The following RB1CC1 variants were observed in gnomAD, a reference collection of about 807,000 sequenced individuals.
RB1CC1 encodes the protein RB1-inducible coiled-coil protein 1.
Under a neutral mutation model 177.5 loss-of-function variants are expected in RB1CC1, and 46 were observed. That is an observed-to-expected ratio of 0.26 (90% CI 0.20 to 0.33). RB1CC1 has a LOEUF of 0.33. Among genes scored for constraint, RB1CC1 ranks in the 10% least tolerant of loss-of-function variants. The probability of loss-of-function intolerance (pLI) is 1.00; values close to 1 mark genes in which losing one functional copy is unlikely to be tolerated. For synonymous variants in RB1CC1, 666 were observed against 613.6 expected (o/e 1.09, Z -1.26); for missense variants, 1,703 against 1,816.3 (o/e 0.94, Z 1.13).
intron 15 of RB1CC1, among the ~76,000 whole-genome samples, chr8:52,649,141 G>A (rs1334357899): frequency 2.0e-5 from 3 of 152,074 alleles, no homozygotes; most frequent in Non-Finnish European, 4.4e-5. Flanking sequence ...TAGACAAGAG[G>A]GAATGACTGT....
At position 52,623,196 on chromosome 8, in the gene RB1CC1, TAC is replaced by T. The variant is rs1468232801; in HGVS notation, c.*584_*585del. 1 of 144,944 alleles carries T rather than the reference TAC, an allele frequency of 6.9e-6. No homozygotes were observed. Among genetic ancestry groups the T allele is most frequent in the African/African-American group, 2.8e-5 (1 of 36,212 alleles). The allele number at this position is 144,944 out of a possible 1,614,324, so 9.0% of individuals were successfully genotyped here. On this transcript the variant is annotated 3_prime_UTR_variant, in exon 24 of 24. Coordinates refer to ENST00000025008, the MANE Select transcript of RB1CC1 (RefSeq NM_014781.5). ...TGATCTTAAAATCAGTCAATCAAAT[TAC>T]AGTTCCTTTTTTTTTTTGAAACATC...
At chr8:52,707,229 C>A (rs1856642927) in intron 1 of RB1CC1, among the ~76,000 whole-genome samples, 1 of 152,170 alleles carries the variant, frequency 6.6e-6, no homozygotes. Flanking sequence ...TAATCCAGAT[C>A]TCTGTTCTGA....
intron 8 of RB1CC1, among the ~76,000 whole-genome samples, chr8:52,667,662 C>T (rs1399650253): frequency 6.6e-6 from 1 of 152,178 alleles, no homozygotes; most frequent in East Asian, 1.9e-4. Flanking sequence ...GTAAATTCTT[C>T]AAGATTTCGT....
Position 52,685,392 on chromosome 8 carries a change from A to G in RB1CC1, c.71+7T>C. On this transcript the variant is annotated splice_region_variant and intron_variant, in intron 3 of 23. Coordinates refer to ENST00000025008, the MANE Select transcript of RB1CC1 (RefSeq NM_014781.5). ...TGCGAAAAAAAAATAAATGAAATAC[A>G]ACTCACGTTTGCACTGTAAGTTCAG... is the stretch of plus-strand genomic sequence containing the variant. The G allele has an allele frequency of 6.4e-7, 1 of 1,574,362 alleles. No homozygotes were observed. The highest frequency in any genetic ancestry group is 8.7e-7 in the Non-Finnish European group (1 of 1,150,634).
intron 1 of RB1CC1, among the ~76,000 whole-genome samples, chr8:52,704,907 C>T (rs150897901): frequency 6.6e-6 from 1 of 152,256 alleles, no homozygotes; most frequent in East Asian, 1.9e-4. Context: ...TCCTTCTTAA[C>T]TTTTATAAAA....
At chr8:52,700,417 G>T in intron 1 of RB1CC1, among the ~76,000 whole-genome samples, 1 of 151,624 alleles carries the variant, frequency 6.6e-6, no homozygotes, top group Admixed American at 6.6e-5. Context: ...CAGTTATGGG[G>T]GGGTGGGGTG....
In RB1CC1 at chr8:52,683,980, T is replaced by C. The variant is rs1231821205; in HGVS notation, c.105A>G (p.Lys35=). 1 of 1,613,980 alleles carries C rather than the reference T, an allele frequency of 6.2e-7. No homozygotes were observed. Among genetic ancestry groups the C allele is most frequent in the South Asian group, 1.1e-5 (1 of 91,058 alleles). Residue 35 remains lysine (K), a synonymous_variant, in exon 4 of 24, where the codon AAA becomes AAG. Coordinates refer to ENST00000025008, the MANE Select transcript of RB1CC1 (RefSeq NM_014781.5). The part of the protein sequence containing the change: ...VADLKHAIQS[K]YKIAIQHQVL... The stretch of plus-strand genomic sequence containing the variant: ...CCTGGTGTTGAATAGCAATCTTGTA[T>C]TTGCTTTGAATGGCATGCTTAAGGT...
At chr8:52,634,628 T>C (rs903827150) in intron 20 of RB1CC1, among the ~76,000 whole-genome samples, 25 of 152,214 alleles carry the variant, frequency 1.6e-4, no homozygotes, top group African/African-American at 5.8e-4. Context: ...CTGATTTTGA[T>C]GATTTTAAGA....
At position 52,656,685 on chromosome 8, in the gene RB1CC1, G is replaced by A; in HGVS notation, c.3144C>T (p.Leu1048=). The A allele has an allele frequency of 1.9e-6, 3 of 1,613,798 alleles. No individual in the cohort carries two copies. The highest frequency in any genetic ancestry group is 8.5e-7 in the Non-Finnish European group (1 of 1,179,886). ...EKEKQLQELK[L]KVSDLSDTRC... is the part of the protein sequence containing the mutation. ...TCGTGTCTGACAAATCAGAAACCTT[G>A]AGTTTTAATTCCTGTAACTGTTTTT... The change falls in exon 15 of 24, where the codon CTC becomes CTT. Residue 1048 remains leucine, a synonymous_variant. Transcript: ENST00000025008.
intron 8 of RB1CC1, among the ~76,000 whole-genome samples, chr8:52,666,131 G>C (rs565937170): frequency 6.6e-6 from 1 of 151,916 alleles, no homozygotes. Flanking sequence ...AGAAGAAAAC[G>C]TTATCCTAGG....
At chr8:52,651,154 G>A (rs757158315) in intron 15 of RB1CC1, among the ~76,000 whole-genome samples, 21 of 152,188 alleles carry the variant, frequency 1.4e-4, no homozygotes, top group Non-Finnish European at 2.8e-4. Flanking sequence ...GTGGAGTGAG[G>A]CCAAAATTAT....
intron 15 of RB1CC1, among the ~76,000 whole-genome samples, chr8:52,647,681 G>A (rs1329701414): frequency 6.6e-6 from 1 of 152,106 alleles, no homozygotes; most frequent in Non-Finnish European, 1.5e-5. Context: ...TAAAAAATAA[G>A]GCCAGGTTTT....
At chr8:52,675,693 A>AC (rs1326140796) in intron 6 of RB1CC1, among the ~76,000 whole-genome samples, 6 of 131,004 alleles carry the variant, frequency 4.6e-5, no homozygotes, top group Admixed American at 1.7e-4. Flanking sequence ...ACACGGTGAA[A>AC]CCCCATCTCT....
Position 52,651,498 on chromosome 8 carries a change from C to T in RB1CC1, c.3821+4510G>A, listed in dbSNP as rs1050413059. Among the ~76,000 whole-genome samples the T allele has an allele frequency of 3.9e-5, 6 of 152,300 alleles. 1 individual carries two copies. In the South Asian group the frequency reaches 1.2e-3, roughly 32 times the overall value. On this transcript the variant is annotated intron_variant, in intron 15 of 23. Coordinates refer to ENST00000025008, the MANE Select transcript of RB1CC1 (RefSeq NM_014781.5). ...ACCATTTCTTTAGGCTAATGATTCC[C>T]AAAGAGTGATCCATAGAAGCCTGGG...
At chr8:52,712,845 G>A (rs1720270273) in intron 1 of RB1CC1, among the ~76,000 whole-genome samples, 2 of 152,090 alleles carry the variant, frequency 1.3e-5, no homozygotes, top group Admixed American at 6.6e-5. Flanking sequence ...TATAAAAAGC[G>A]AACATATTTT....
chr8:52,638,492 A>C (rs1849323079), intron 18 of RB1CC1, among the ~76,000 whole-genome samples: 1 of 152,108 alleles, frequency 6.6e-6, no homozygotes, highest in Non-Finnish European at 1.5e-5. Context: ...AGTTGGGAAG[A>C]GTTCTCTCCT....
chr8:52,667,172 T>C (rs1852141248), intron 8 of RB1CC1, among the ~76,000 whole-genome samples: 1 of 152,022 alleles, frequency 6.6e-6, no homozygotes, highest in Admixed American at 6.6e-5. Context: ...CCTCCAGAAA[T>C]CAAGGTGATT....
At chr8:52,640,649 A>G (rs1216564266) in intron 18 of RB1CC1, among the ~76,000 whole-genome samples, 2 of 152,158 alleles carry the variant, frequency 1.3e-5, no homozygotes, top group Non-Finnish European at 2.9e-5. Flanking sequence ...GAAGTTGGAT[A>G]TATTTTTTTA....
intron 1 of RB1CC1, among the ~76,000 whole-genome samples, chr8:52,693,679 G>C (rs1344600244): frequency 6.6e-6 from 1 of 152,128 alleles, no homozygotes; most frequent in Non-Finnish European, 1.5e-5. Context: ...CAAAGACCTT[G>C]AGGCAGAAAT....
Sources: allele counts gnomAD v4.1 joint callset (sites outside exome capture counted in the v4.1 genomes callset), GRCh38; gene constraint gnomAD v4.1.1; transcripts MANE v1.5; gene names NCBI Gene and HGNC (gene_info 2026-07-23, HGNC 2026-07-21).